Variants in CHD1 observed in about 807,000 individuals in gnomAD.
CHD1 encodes the protein chromodomain helicase DNA binding protein 1.
Under a neutral mutation model 224.2 loss-of-function variants are expected in CHD1, and 36 were observed. The observed-to-expected ratio is 0.16, with a 90% CI of 0.12 to 0.21. CHD1 has a LOEUF of 0.21. Ranked by LOEUF, CHD1 falls within the 10% of genes least tolerant of loss-of-function variation. The pLI is 1.00. For synonymous variants in CHD1, 668 were observed against 658.3 expected, an observed-to-expected ratio of 1.01 and a Z score of -0.23; for missense variants, 1,378 against 1,994.8, an observed-to-expected ratio of 0.69 and a Z score of 5.89.
chr5:98,904,861 A>G lies in CHD1; in HGVS notation c.255+36T>C, dbSNP rs753229354. The G allele has an allele frequency of 1.3e-5, 21 of 1,596,466 alleles. No homozygotes were observed. The South Asian group carries it at 1.5e-4, about 12-fold the overall frequency. On this transcript the variant is annotated intron_variant, in intron 3 of 35. Coordinates refer to ENST00000614616, the MANE Select transcript of CHD1 (RefSeq NM_001270.4). ...CTCTAAATTTTCCCAAAGTAATACAAGCAATCTACCTTTCATTGGGTATTT... is the reference window on the plus strand; with the variant it reads ...CTCTAAATTTTCCCAAAGTAATACAGGCAATCTACCTTTCATTGGGTATTT...
At chr5:98,907,945 T>C (rs563076964) in intron 2 of CHD1, among the ~76,000 whole-genome samples, 69 of 152,236 alleles carry the variant, frequency 4.5e-4, no homozygotes, top group African/African-American at 1.6e-3. Flanking sequence ...AAAATTAGAC[T>C]TAAAACTTTG....
intron 1 of CHD1, among the ~76,000 whole-genome samples, chr5:98,927,319 AAGG>A (rs368491153): frequency 2.1e-3 from 317 of 152,244 alleles, no homozygotes; most frequent in Middle Eastern, 6.8e-3. Context: ...CGAATAAACA[AAGG>A]AGATCTCTGG....
chr5:98,903,796 T>C lies in CHD1; in HGVS notation c.368A>G (p.Glu123Gly). The change falls in exon 4 of 36, where the codon GAA becomes GGA. Residue 123 changes from glutamate (E) to glycine (G), a missense_variant. By Grantham distance (98) the Glu-to-Gly change is moderately conservative. This residue lies in a region of CHD1 where 306 missense variants were observed against 298.1 expected (regional missense o/e 1.03). Coordinates refer to ENST00000614616, the MANE Select transcript of CHD1 (RefSeq NM_001270.4). ...TAGCTCATGATGAAAATGCACCTCT[T>C]CTGATCCGCTATTAGATGAGGCTTG... ...QHQASSNSGS[E>G]EDSSSSEDSD... is the part of the protein sequence containing the mutation. 6.2e-7 allele frequency: 1 copy of C among 1,609,052 alleles called. No homozygotes were observed. Among genetic ancestry groups the C allele is most frequent in the Non-Finnish European group, 8.5e-7 (1 of 1,175,502 alleles).
chr5:98,918,448 T>C (rs1752884497), intron 2 of CHD1, among the ~76,000 whole-genome samples: 1 of 151,586 alleles, frequency 6.6e-6, no homozygotes, highest in Admixed American at 6.6e-5. Context: ...CTTGCATACT[T>C]CTTTAATGGG....
chr5:98,864,393 A>C (rs1346289290), intron 31 of CHD1, among the ~76,000 whole-genome samples: 1 of 151,844 alleles, frequency 6.6e-6, no homozygotes, highest in East Asian at 1.9e-4. Flanking sequence ...TTTATTAAGA[A>C]ATTGGGCCAG....
intron 30 of CHD1, 122 bp downstream of exon 30, chr5:98,869,620 GCGCACACACACA>G (rs1561487779): frequency 2.2e-4 from 169 of 753,998 alleles, no homozygotes; most frequent in African/African-American, 6.2e-4. Context: ...GCACGTGCGC[GCGCACACACACA>G]CACACACACA....
intron 28 of CHD1, 128 bp downstream of exon 28, chr5:98,871,923 C>T: frequency 1.4e-6 from 1 of 730,810 alleles, no homozygotes; most frequent in Non-Finnish European, 2.1e-6. Context: ...CTAAACGCAC[C>T]AAGGTCACAC....
At chr5:98,926,572 G>T (rs1439415825) in intron 1 of CHD1, 38 bp from the exon 2 acceptor site, 4 of 387,674 alleles carry the variant, frequency 1.0e-5, no homozygotes, top group Non-Finnish European at 1.8e-5. Context: ...AAAATTTCCT[G>T]CAGAAAAAAG....
At chr5:98,860,121 G>GT in intron 32 of CHD1, 53 bp from the exon 33 acceptor site, 1 of 1,006,514 alleles carries the variant, frequency 9.9e-7, no homozygotes, top group Non-Finnish European at 1.6e-6. Context: ...AAAATATTTA[G>GT]TTTTTTTCAT....
In CHD1 at chr5:98,860,074, A is replaced by G. The variant is rs1377298913; in HGVS notation, c.4428-6T>C. ...ATACAAAAATCCACAGGTTTCTAGA[A>G]GAATTTAAAAAAAGGCAAATTAAGT... On this transcript the variant is annotated splice_region_variant and splice_polypyrimidine_tract_variant and intron_variant, in intron 32 of 35. Coordinates refer to ENST00000614616, the MANE Select transcript of CHD1 (RefSeq NM_001270.4). The G allele has an allele frequency of 1.3e-6, 2 of 1,485,796 alleles. No homozygotes were observed. Among genetic ancestry groups the G allele is most frequent in the African/African-American group, 1.4e-5 (1 of 71,292 alleles). 92.0% of individuals were successfully genotyped at this position (1,485,796 alleles called of 1,614,324 possible).
At position 98,898,363 on chromosome 5, in the gene CHD1, C is replaced by G. The variant is rs1158185705; in HGVS notation, c.1258G>C (p.Glu420Gln). 1.2e-6 allele frequency: 2 copies of G among 1,602,322 alleles called. No homozygotes were observed. Among genetic ancestry groups the G allele is most frequent in the East Asian group, 4.5e-5 (2 of 44,190 alleles). The change falls in exon 10 of 36, where the codon GAG becomes CAG. Residue 420 changes from glutamate (E) to glutamine (Q), a missense_variant. Around this residue, in one of 16 missense-constraint regions of CHD1, gnomAD observed 86 missense variants for 97.7 expected, o/e 0.88. Transcript: ENST00000614616. Reference sequence around the variant, plus strand: ...AGAGCTCCATCTTCCCAGCTGCACTCTGAGTATGGAAGGCCCTGCCATTTG... The same window carrying G: ...AGAGCTCCATCTTCCCAGCTGCACTGTGAGTATGGAAGGCCCTGCCATTTG... ...YCKWQGLPYS[E>Q]CSWEDGALIS... is the part of the protein sequence containing the mutation.
intron 31 of CHD1, among the ~76,000 whole-genome samples, chr5:98,867,551 A>T (rs1380596877): frequency 2.0e-5 from 3 of 149,602 alleles, no homozygotes; most frequent in Non-Finnish European, 4.4e-5. Flanking sequence ...AAGAAGCACT[A>T]TTACACATGT....
intron 20 of CHD1, 123 bp from the exon 21 acceptor site, chr5:98,881,498 C>G: frequency 7.5e-6 from 4 of 531,656 alleles, no homozygotes; most frequent in Non-Finnish European, 9.8e-6. Context: ...TTAGACAAAT[C>G]AAGTATTAGA....
In CHD1 at chr5:98,882,096, C is replaced by T; in HGVS notation, c.2746G>A (p.Gly916Arg). The T allele has an allele frequency of 6.2e-7, 1 of 1,612,930 alleles. No individual in the cohort carries two copies. The highest frequency in any genetic ancestry group is 1.1e-5 in the South Asian group (1 of 91,044). ...QVNIYRLVTKGSVEEDILERA... is the reference protein window; with the variant it reads ...QVNIYRLVTKRSVEEDILERA... Reference sequence around the variant, plus strand: ...TCAAGAATATCTTCTTCAACTGATCCCTTTGTAACTAGACGATAAATATTC... The same window carrying T: ...TCAAGAATATCTTCTTCAACTGATCTCTTTGTAACTAGACGATAAATATTC... Residue 916 changes from glycine (G) to arginine (R), a missense_variant, in exon 20 of 36, where the codon GGA becomes AGA. Coordinates refer to ENST00000614616, the MANE Select transcript of CHD1 (RefSeq NM_001270.4).
intron 2 of CHD1, among the ~76,000 whole-genome samples, chr5:98,920,918 G>C (rs1400626375): frequency 6.6e-6 from 1 of 152,126 alleles, no homozygotes; most frequent in African/African-American, 2.4e-5. Flanking sequence ...TCTCACAGAT[G>C]AAAGGAGACT....
At chr5:98,858,922 A>C (rs1041089174) in intron 34 of CHD1, 42 bp downstream of exon 34, 1 of 1,399,758 alleles carries the variant, frequency 7.1e-7, no homozygotes. Context: ...TTTAAAAAAA[A>C]TTTTTTTTAA....
At chr5:98,917,638 T>C (rs1752822560) in intron 2 of CHD1, among the ~76,000 whole-genome samples, 1 of 152,228 alleles carries the variant, frequency 6.6e-6, no homozygotes, top group Non-Finnish European at 1.5e-5. Context: ...AGTACCCCGC[T>C]ATTCTTGTGC....
intron 31 of CHD1, among the ~76,000 whole-genome samples, chr5:98,867,085 T>TTAA (rs1463716041): frequency 1.3e-5 from 2 of 152,196 alleles, no homozygotes; most frequent in African/African-American, 4.8e-5. Flanking sequence ...GTCAGTACTA[T>TTAA]TAAGCACATA....
chr5:98,886,399 T>C (rs1256463643), intron 17 of CHD1, among the ~76,000 whole-genome samples: 2 of 152,204 alleles, frequency 1.3e-5, no homozygotes, highest in South Asian at 2.1e-4. Context: ...GAGAACTCAG[T>C]GAGAGAACAC....
Sources: gnomAD v4.1 joint callset for allele counts (sites outside exome capture counted in the v4.1 genomes callset) on GRCh38, gnomAD v4.1.1 for gene constraint, gnomAD v4.1.1 regional missense constraint, MANE v1.5 for transcripts, NCBI Gene and HGNC (gene_info 2026-07-23, HGNC 2026-07-21) for gene names.